Variants in ADAMTS6 observed in about 807,000 individuals in gnomAD.
ADAMTS6 encodes A disintegrin and metalloproteinase with thrombospondin motifs 6.
Under a neutral mutation model 144.3 loss-of-function variants are expected in ADAMTS6, and 23 were observed. That is an observed-to-expected ratio of 0.16 (90% CI 0.11 to 0.23). The LOEUF (loss-of-function observed/expected upper bound fraction) is 0.23, where lower values mean the gene tolerates loss of function less well. Ranked by LOEUF, ADAMTS6 falls within the 10% of genes least tolerant of loss-of-function variation. The pLI is 1.00. For synonymous variants in ADAMTS6, 444 were observed against 457.5 expected, an observed-to-expected ratio of 0.97 and a Z score of 0.38; for missense variants, 999 against 1,379.6, an observed-to-expected ratio of 0.72 and a Z score of 4.37.
intron 4 of ADAMTS6, among the ~76,000 whole-genome samples, chr5:65,459,779 T>C (rs932070526): frequency 2.0e-5 from 3 of 152,222 alleles, no homozygotes; most frequent in African/African-American, 7.2e-5. Context: ...TTTTGAATAC[T>C]ATCTTAAGAC....
At chr5:65,235,422 T>C (rs1313632963) in intron 15 of ADAMTS6, among the ~76,000 whole-genome samples, 1 of 152,130 alleles carries the variant, frequency 6.6e-6, no homozygotes, top group Admixed American at 6.6e-5. Flanking sequence ...GTCAACTTGA[T>C]TGGATTGAAG....
intron 22 of ADAMTS6, among the ~76,000 whole-genome samples, chr5:65,181,442 A>T (rs1197681301): frequency 2.0e-5 from 3 of 152,228 alleles, no homozygotes; most frequent in African/African-American, 7.2e-5. Flanking sequence ...CTACTATACT[A>T]CTTTACATTT....
At chr5:65,347,524 A>G (rs1020442752) in intron 7 of ADAMTS6, among the ~76,000 whole-genome samples, 6 of 151,994 alleles carry the variant, frequency 3.9e-5, no homozygotes, top group Non-Finnish European at 8.8e-5. Context: ...AGGCTTAAAC[A>G]TAAGACCTGC....
chr5:65,301,308 A>C (rs1206348463), intron 9 of ADAMTS6, among the ~76,000 whole-genome samples: 1 of 152,226 alleles, frequency 6.6e-6, no homozygotes, highest in African/African-American at 2.4e-5. Context: ...TATTACTAAG[A>C]AAATAAATTT....
At chr5:65,215,155 A>G (rs1756824268) in intron 19 of ADAMTS6, among the ~76,000 whole-genome samples, 169 bp downstream of exon 19, 1 of 152,222 alleles carries the variant, frequency 6.6e-6, no homozygotes, top group Admixed American at 6.5e-5. Context: ...TTCAAGCAAG[A>G]GCACTATGGC....
At chr5:65,442,264 A>T (rs528451422) in intron 7 of ADAMTS6, among the ~76,000 whole-genome samples, 1 of 152,262 alleles carries the variant, frequency 6.6e-6, no homozygotes, top group South Asian at 2.1e-4. Context: ...GGATAATAAG[A>T]TATTATAAAC....
chr5:65,431,784 C>T lies in ADAMTS6; in HGVS notation c.1073+19691G>A, dbSNP rs1392768819. ...GAAAAATTGGGAATTTGGTTTTGGA[C>T]ATATTAAGGTTGAGATGCATGGAGA... On this transcript the variant is annotated intron_variant, in intron 7 of 24. Coordinates refer to ENST00000381055, the MANE Select transcript of ADAMTS6 (RefSeq NM_197941.4). 2.0e-5 allele frequency among the ~76,000 whole-genome samples: 3 copies of T among 151,904 alleles called. No homozygotes were observed. The South Asian group carries it at 6.2e-4, about 32-fold the overall frequency.
chr5:65,354,879 C>A (rs1749181830), intron 7 of ADAMTS6, among the ~76,000 whole-genome samples: 1 of 151,704 alleles, frequency 6.6e-6, no homozygotes, highest in Non-Finnish European at 1.5e-5. Flanking sequence ...AGGTCGCCAA[C>A]CTAAAAACTT....
At position 65,333,961 on chromosome 5, in the gene ADAMTS6, G is replaced by C. The variant is rs78306604; in HGVS notation, c.1117+81C>G. On this transcript the variant is annotated intron_variant, in intron 8 of 24. Coordinates refer to ENST00000381055, the MANE Select transcript of ADAMTS6 (RefSeq NM_197941.4). ...ATTAATAATAAAGATTAAAGTCATT[G>C]GTCCAAAAAGACAATCAGAACCATT... 4,178 of 1,195,914 alleles carry C rather than the reference G, an allele frequency of 3.5e-3. 15 individuals carry two copies. The highest frequency in any genetic ancestry group is 4.1e-3 in the Non-Finnish European group (3,879 of 946,952). 74.1% of individuals were successfully genotyped at this position (1,195,914 alleles called of 1,614,324 possible). A position where few individuals can be genotyped will look rare whatever the true frequency, so the allele number is the denominator to read the frequency against.
At chr5:65,231,434 G>T (rs1415086636) in intron 15 of ADAMTS6, among the ~76,000 whole-genome samples, 1 of 152,078 alleles carries the variant, frequency 6.6e-6, no homozygotes, top group East Asian at 1.9e-4. Flanking sequence ...TCAATAGGAA[G>T]ATACTTCAGT....
At chr5:65,461,580 A>G (rs571279841) in intron 3 of ADAMTS6, among the ~76,000 whole-genome samples, 1 of 152,326 alleles carries the variant, frequency 6.6e-6, no homozygotes, top group African/African-American at 2.4e-5. Context: ...ACCAGATAAA[A>G]TAAAAACTCT....
At chr5:65,424,110 G>A (rs755387416) in intron 7 of ADAMTS6, among the ~76,000 whole-genome samples, 1 of 152,070 alleles carries the variant, frequency 6.6e-6, no homozygotes, top group Non-Finnish European at 1.5e-5. Context: ...TCCAGGCTGC[G>A]ACTACTTTTT....
At chr5:65,377,729 A>G (rs1392494726) in intron 7 of ADAMTS6, among the ~76,000 whole-genome samples, 2 of 152,240 alleles carry the variant, frequency 1.3e-5, no homozygotes, top group Non-Finnish European at 2.9e-5. Flanking sequence ...ATGAAAGAAT[A>G]GCACCAGCAT....
intron 14 of ADAMTS6, among the ~76,000 whole-genome samples, chr5:65,248,090 A>G (rs1759789430): frequency 2.0e-5 from 3 of 152,230 alleles, no homozygotes; most frequent in Admixed American, 1.3e-4. Flanking sequence ...ATATGCGCTA[A>G]CAAAAGCCTT....
chr5:65,177,597 C>T (rs553431174), intron 22 of ADAMTS6, among the ~76,000 whole-genome samples: 1 of 152,162 alleles, frequency 6.6e-6, no homozygotes, highest in Non-Finnish European at 1.5e-5. Flanking sequence ...CTGTGGACCA[C>T]TAAAGAGCAA....
At chr5:65,320,875 T>C (rs1252903325) in intron 9 of ADAMTS6, among the ~76,000 whole-genome samples, 1 of 152,228 alleles carries the variant, frequency 6.6e-6, no homozygotes, top group African/African-American at 2.4e-5. Flanking sequence ...GCAAAGGACA[T>C]GATCTCATTC....
intron 7 of ADAMTS6, among the ~76,000 whole-genome samples, chr5:65,383,949 C>G (rs995170697): frequency 6.6e-6 from 1 of 152,186 alleles, no homozygotes; most frequent in Non-Finnish European, 1.5e-5. Context: ...ACCACCCATG[C>G]CTTTTGGAAA....
intron 5 of ADAMTS6, 114 bp downstream of exon 5, chr5:65,452,593 C>T: frequency 9.0e-7 from 1 of 1,113,352 alleles, no homozygotes; most frequent in Non-Finnish European, 1.2e-6. Flanking sequence ...CAATTTTTTA[C>T]CATTTTAGAC....
intron 21 of ADAMTS6, 34 bp downstream of exon 21, chr5:65,196,988 A>G (rs1755429528): frequency 1.3e-6 from 2 of 1,598,612 alleles, no homozygotes; most frequent in Admixed American, 1.8e-5. Flanking sequence ...TTTGCACCTG[A>G]AGAAAATAAT....
Sources: allele counts gnomAD v4.1 joint callset (sites outside exome capture counted in the v4.1 genomes callset), GRCh38; gene constraint gnomAD v4.1.1; transcripts MANE v1.5; gene names NCBI Gene and HGNC (gene_info 2026-07-23, HGNC 2026-07-21).